The following CYBRD1 variants were observed in gnomAD, a reference collection of about 807,000 sequenced individuals.
CYBRD1 encodes the protein plasma membrane ascorbate-dependent reductase CYBRD1.
In CYBRD1, 14 loss-of-function variants were observed where a neutral mutation model predicts 21.9. That is an observed-to-expected ratio of 0.64 (90% CI 0.42 to 1.00). The LOEUF (loss-of-function observed/expected upper bound fraction) is 1.00, where lower values mean the gene tolerates loss of function less well. Ranked by LOEUF, CYBRD1 falls within the 50% of genes least tolerant of loss-of-function variation. The pLI is 0.00. For synonymous variants in CYBRD1, 146 were observed against 136.5 expected (o/e 1.07, Z -0.48); for missense variants, 328 against 352.5 (o/e 0.93, Z 0.56).
chr2:171,554,972 A>G lies in CYBRD1; in HGVS notation c.*145A>G. 1.1e-6 allele frequency: 1 copy of G among 882,788 alleles called. No homozygotes were observed. Among genetic ancestry groups the G allele is most frequent in the Non-Finnish European group, 1.8e-6 (1 of 561,596 alleles). 54.7% of individuals were successfully genotyped at this position (882,788 alleles called of 1,614,324 possible). On this transcript the variant is annotated 3_prime_UTR_variant, in exon 4 of 4. Coordinates refer to ENST00000321348, the MANE Select transcript of CYBRD1 (RefSeq NM_024843.4). The stretch of plus-strand genomic sequence containing the variant: ...AGGATGGTTTCTTGAAATAATTTGT[A>G]TTGATTGAGGCCTATGAACTGACCT...
chr2:171,549,080 T>C (rs531878905), intron 2 of CYBRD1, among the ~76,000 whole-genome samples: 1 of 138,134 alleles, frequency 7.2e-6, no homozygotes, highest in Admixed American at 7.0e-5. Flanking sequence ...TCTATTCTAT[T>C]CTATTTATTT....
chr2:171,554,952 G>C lies in CYBRD1; in HGVS notation c.*125G>C, dbSNP rs1683457100. The C allele has an allele frequency of 1.9e-5, 20 of 1,064,148 alleles. No individual in the cohort carries two copies. Among genetic ancestry groups the C allele is most frequent in the Non-Finnish European group, 2.6e-5 (19 of 718,028 alleles). The allele number at this position is 1,064,148 out of a possible 1,614,324, so 65.9% of individuals were successfully genotyped here. On this transcript the variant is annotated 3_prime_UTR_variant, in exon 4 of 4. Coordinates refer to ENST00000321348, the MANE Select transcript of CYBRD1 (RefSeq NM_024843.4). ...AATATTTACTTTAATCACAAAGGAT[G>C]GTTTCTTGAAATAATTTGTATTGAT...
At position 171,541,581 on chromosome 2, in the gene CYBRD1, C is replaced by T; in HGVS notation, c.194-4C>T. The T allele has an allele frequency of 6.2e-7, 1 of 1,613,518 alleles. No individual in the cohort carries two copies. The highest frequency in any genetic ancestry group is 8.5e-7 in the Non-Finnish European group (1 of 1,179,632). On this transcript the variant is annotated splice_polypyrimidine_tract_variant and splice_region_variant and intron_variant, in intron 1 of 3. Transcript: ENST00000321348. The stretch of plus-strand genomic sequence containing the variant: ...ACATTCTGTGTCCTTTCGTCTTTCC[C>T]TAGCCATCATCGTCTACAGACTGCC...
chr2:171,528,872 C>T (rs888683874), intron 1 of CYBRD1, among the ~76,000 whole-genome samples: 11 of 152,216 alleles, frequency 7.2e-5, no homozygotes, highest in African/African-American at 2.7e-4. Context: ...ATGCAGTCAT[C>T]TGTGATTCTT....
At position 171,554,740 on chromosome 2, in the gene CYBRD1, C is replaced by A; in HGVS notation, c.774C>A (p.Asp258Glu). 2.5e-6 allele frequency: 4 copies of A among 1,613,914 alleles called. 1 individual carries two copies. The Admixed American group carries it at 6.7e-5, about 27-fold the overall frequency. The change falls in exon 4 of 4, where the codon GAC becomes GAA. Residue 258 changes from aspartate (D) to glutamate (E), a missense_variant. By Grantham distance (45) the Asp-to-Glu change is conservative. Transcript: ENST00000321348. ...SMPAYSGNNM[D>E]KSDSELNSEV... is the part of the protein sequence containing the mutation. ...CAGCCTACTCTGGCAACAACATGGA[C>A]AAATCAGATTCAGAGTTAAACAGTG...
At position 171,522,662 on chromosome 2, in the gene CYBRD1, C is replaced by T; in HGVS notation, c.117C>T (p.Gly39=). 1.2e-6 allele frequency: 2 copies of T among 1,613,466 alleles called. No individual in the cohort carries two copies. The highest frequency in any genetic ancestry group is 1.7e-6 in the Non-Finnish European group (2 of 1,179,904). The change falls in exon 1 of 4, where the codon GGC becomes GGT. Residue 39 remains glycine, a synonymous_variant. Coordinates refer to ENST00000321348, the MANE Select transcript of CYBRD1 (RefSeq NM_024843.4). The surrounding 1 kb of genome is among the most constrained non-coding windows in gnomAD (Gnocchi z 4.3). ...VWVLHYREGL[G]WDGSALEFNW... ...TCCTCCACTACCGAGAGGGGCTTGG[C>T]TGGGATGGGAGCGCACTAGAGTTTA...
At chr2:171,534,838 G>A (rs1697522746) in intron 1 of CYBRD1, among the ~76,000 whole-genome samples, 1 of 152,152 alleles carries the variant, frequency 6.6e-6, no homozygotes, top group African/African-American at 2.4e-5. Context: ...AAGTACCCAC[G>A]ACCCAGATTT....
Position 171,530,585 on chromosome 2 carries a change from G to A in CYBRD1, c.193+7847G>A, listed in dbSNP as rs184999624. Among the ~76,000 whole-genome samples, 344 of 152,300 alleles carry A rather than the reference G, an allele frequency of 2.3e-3. 1 individual carries two copies. Among genetic ancestry groups the A allele is most frequent in the Non-Finnish European group, 4.1e-3 (276 of 68,018 alleles). On this transcript the variant is annotated intron_variant, in intron 1 of 3. Coordinates refer to ENST00000321348, the MANE Select transcript of CYBRD1 (RefSeq NM_024843.4). The stretch of plus-strand genomic sequence containing the variant: ...AGAGTGCTCACTCCTGGCAAAACAG[G>A]AAGCTTCCACTTAGCCCCAGTGGAT...
intron 1 of CYBRD1, among the ~76,000 whole-genome samples, chr2:171,526,072 G>A (rs1697382223): frequency 6.6e-6 from 1 of 151,156 alleles, no homozygotes; most frequent in Admixed American, 6.6e-5. Context: ...TTCGAGACCA[G>A]CCTGGCCAAC....
chr2:171,547,308 A>G (rs528376036), intron 2 of CYBRD1, among the ~76,000 whole-genome samples: 1 of 152,182 alleles, frequency 6.6e-6, no homozygotes, highest in Non-Finnish European at 1.5e-5. Context: ...ACTGCAATGG[A>G]TTGAAGAGGG....
chr2:171,538,368 C>A (rs1697576024), intron 1 of CYBRD1, among the ~76,000 whole-genome samples: 2 of 152,176 alleles, frequency 1.3e-5, no homozygotes, highest in South Asian at 4.1e-4. Flanking sequence ...ACCAGCAAGA[C>A]ACATTAACGC....
At chr2:171,530,889 A>G (rs908492317) in intron 1 of CYBRD1, among the ~76,000 whole-genome samples, 2 of 152,230 alleles carry the variant, frequency 1.3e-5, no homozygotes, top group South Asian at 4.2e-4. Flanking sequence ...TTTAAGAAAG[A>G]TAGAGGGCCA....
intron 1 of CYBRD1, among the ~76,000 whole-genome samples, chr2:171,536,080 C>G (rs899578340): frequency 6.6e-6 from 1 of 151,848 alleles, no homozygotes; most frequent in East Asian, 1.9e-4. Flanking sequence ...CACATCAGAA[C>G]CCCCCCAGCA....
At chr2:171,546,568 A>G (rs1014611389) in intron 2 of CYBRD1, among the ~76,000 whole-genome samples, 10 of 152,222 alleles carry the variant, frequency 6.6e-5, no homozygotes, top group African/African-American at 2.4e-4. Flanking sequence ...TATATGCCAG[A>G]TACCTTGCTA....
intron 2 of CYBRD1, among the ~76,000 whole-genome samples, chr2:171,546,037 A>G (rs747637332): frequency 6.6e-6 from 1 of 152,184 alleles, no homozygotes; most frequent in Non-Finnish European, 1.5e-5. Flanking sequence ...CCAGATTCAT[A>G]TCTCGCGTTG....
chr2:171,532,797 T>A (rs1407312333), intron 1 of CYBRD1, among the ~76,000 whole-genome samples: 1 of 151,320 alleles, frequency 6.6e-6, no homozygotes, highest in South Asian at 2.1e-4. Context: ...TGAGACTCTG[T>A]CTCAAAAAAA....
At chr2:171,553,223 A>G (rs1333344230) in intron 2 of CYBRD1, 123 bp from the exon 3 acceptor site, 7 of 1,184,492 alleles carry the variant, frequency 5.9e-6, no homozygotes, top group Non-Finnish European at 8.3e-6. Flanking sequence ...AGGAAACTTC[A>G]TTTTCTACCC....
intron 2 of CYBRD1, among the ~76,000 whole-genome samples, chr2:171,543,642 A>C (rs1357702024): frequency 6.6e-6 from 1 of 152,184 alleles, no homozygotes; most frequent in Admixed American, 6.5e-5. Context: ...AATAATATTG[A>C]TTAATTAAAC....
At chr2:171,541,060 G>C (rs777961963) in intron 1 of CYBRD1, 1 of 169,894 alleles carries the variant, frequency 5.9e-6, no homozygotes, top group Non-Finnish European at 1.3e-5. Flanking sequence ...CACTGGGCCC[G>C]GCCAAACTGA....
Sources: allele counts gnomAD v4.1 joint callset (sites outside exome capture counted in the v4.1 genomes callset), GRCh38; gene constraint gnomAD v4.1.1; non-coding constraint Gnocchi (gnomAD v3.1); transcripts MANE v1.5; gene names NCBI Gene and HGNC (gene_info 2026-07-23, HGNC 2026-07-21).